The following SEMA6B variants were observed in gnomAD, a reference collection of about 807,000 sequenced individuals.
The protein encoded by SEMA6B is semaphorin-6B.
In SEMA6B, 47 loss-of-function variants were observed where a neutral mutation model predicts 78.6. The ratio of observed to expected loss-of-function variants is 0.60; its 90% CI spans 0.47 to 0.76. SEMA6B has a LOEUF of 0.76. Ranked by LOEUF, SEMA6B falls within the 30% of genes least tolerant of loss-of-function variation. SEMA6B has a pLI of 0.00. For synonymous variants in SEMA6B, 632 were observed against 592.2 expected (o/e 1.07, Z -0.98); for missense variants, 1,213 against 1,269.9 (o/e 0.96, Z 0.68).
At chr19:4,553,537 T>G (rs182396382) in intron 9 of SEMA6B, among the ~76,000 whole-genome samples, 2 of 145,650 alleles carry the variant, frequency 1.4e-5, no homozygotes, top group African/African-American at 2.6e-5. Context: ...GATAGATGGG[T>G]GGGTGCATAG....
chr19:4,543,942 C>G lies in SEMA6B; in HGVS notation c.2326G>C (p.Ala776Pro). 1 of 1,202,424 alleles carries G rather than the reference C, an allele frequency of 8.3e-7. No individual in the cohort carries two copies. Among genetic ancestry groups the G allele is most frequent in the Non-Finnish European group, 1.0e-6 (1 of 969,492 alleles). 74.5% of individuals were successfully genotyped at this position (1,202,424 alleles called of 1,614,324 possible). ...GEPTPDGRLY[A>P]ARPGRASHGD... is the part of the protein sequence containing the mutation. The stretch of plus-strand genomic sequence containing the variant: ...TGGGAGGCGCGGCCGGGCCGGGCAG[C>G]ATAGAGGCGGCCGTCGGGGGTCGGC... The change falls in exon 17 of 17, where the codon GCT becomes CCT. Residue 776 changes from alanine (A) to proline (P), a missense_variant. Transcript: ENST00000586582.
intron 10 of SEMA6B, among the ~76,000 whole-genome samples, chr19:4,551,778 G>A (rs934174402): frequency 6.6e-6 from 1 of 151,586 alleles, no homozygotes; most frequent in Admixed American, 6.6e-5. Flanking sequence ...GTGGTGAGCC[G>A]AGATCGCGCC....
chr19:4,555,849 GGGAGGA>G lies in SEMA6B; in HGVS notation c.471+133_471+138del, dbSNP rs1408227570. On this transcript the variant is annotated intron_variant, in intron 6 of 16. Coordinates refer to ENST00000586582, the MANE Select transcript of SEMA6B (RefSeq NM_032108.4). This position sits in a 1 kb window ranked among gnomAD's most constrained non-coding sequence, Gnocchi z 6.1. ...AGCGCTGACTCCTCTTGAGCTCAGGGGGAGGAGGCAGGGAGAGTATATCCAGGAAGG... is the reference window on the plus strand; with the variant it reads ...AGCGCTGACTCCTCTTGAGCTCAGGGGGCAGGGAGAGTATATCCAGGAAGG... The G allele has an allele frequency of 1.2e-5, 9 of 741,944 alleles. No individual in the cohort carries two copies. The South Asian group carries it at 1.4e-4, about 12-fold the overall frequency. 46.0% of individuals were successfully genotyped at this position (741,944 alleles called of 1,614,324 possible). A position where few individuals can be genotyped will look rare whatever the true frequency, so the allele number is the denominator to read the frequency against.
chr19:4,550,687 G>A lies in SEMA6B; in HGVS notation c.1121+112C>T. The A allele has an allele frequency of 7.5e-7, 1 of 1,330,396 alleles. No homozygotes were observed. Among genetic ancestry groups the A allele is most frequent in the Admixed American group, 2.1e-5 (1 of 47,858 alleles). 82.4% of individuals were successfully genotyped at this position (1,330,396 alleles called of 1,614,324 possible). On this transcript the variant is annotated intron_variant, in intron 11 of 16. Transcript: ENST00000586582. The surrounding 1 kb of genome is among the most constrained non-coding windows in gnomAD (Gnocchi z 6.6). ...CCTCAGTTTTTCCCAACTGTATAAC[G>A]GGTACAGCTGAACTCAGCATCAGCT... is the stretch of plus-strand genomic sequence containing the variant.
chr19:4,558,020 C>G lies in SEMA6B; in HGVS notation c.245+6G>C. 7.0e-7 allele frequency: 1 copy of G among 1,426,666 alleles called. No homozygotes were observed. Among genetic ancestry groups the G allele is most frequent in the East Asian group, 2.7e-5 (1 of 36,606 alleles). 88.4% of individuals were successfully genotyped at this position (1,426,666 alleles called of 1,614,324 possible). Reference sequence around the variant, plus strand: ...ACACAGGCCTCCTTGCTGTCCCCAGCAATACCTGTCCCCAATGAACAGCGT... The same window carrying G: ...ACACAGGCCTCCTTGCTGTCCCCAGGAATACCTGTCCCCAATGAACAGCGT... On this transcript the variant is annotated splice_donor_region_variant and intron_variant, in intron 3 of 16. Transcript: ENST00000586582. The surrounding 1 kb of genome is among the most constrained non-coding windows in gnomAD (Gnocchi z 5.1).
chr19:4,547,400 A>G (rs1267782524), intron 14 of SEMA6B, among the ~76,000 whole-genome samples: 1 of 152,226 alleles, frequency 6.6e-6, no homozygotes, highest in Non-Finnish European at 1.5e-5. Context: ...CAGAGCTGAG[A>G]TGGGAGCCCA....
chr19:4,549,522 A>G (rs974237266), intron 12 of SEMA6B, among the ~76,000 whole-genome samples: 57 of 151,152 alleles, frequency 3.8e-4, no homozygotes, highest in Non-Finnish European at 7.4e-4. Context: ...TCTTTCGCCC[A>G]GGCGGGACTG....
chr19:4,558,069 GGATGTT>G lies in SEMA6B; in HGVS notation c.196_201del (p.Asn66_Ile67del). On this transcript the variant is annotated inframe_deletion, in exon 3 of 17. Coordinates refer to ENST00000586582, the MANE Select transcript of SEMA6B (RefSeq NM_032108.4). The surrounding 1 kb of genome is among the most constrained non-coding windows in gnomAD (Gnocchi z 5.1). ...GTCCTGTTGACCCGCAGGACTCGCT[GGATGTT>G]GAGGTCGTCAGCACCTTCTGCGGGG... 1 of 1,524,684 alleles carries G rather than the reference GGATGTT, an allele frequency of 6.6e-7. No individual in the cohort carries two copies. The highest frequency in any genetic ancestry group is 8.9e-7 in the Non-Finnish European group (1 of 1,127,504). 94.4% of individuals were successfully genotyped at this position (1,524,684 alleles called of 1,614,324 possible).
At chr19:4,556,551 G>C (rs1031318220) in intron 5 of SEMA6B, among the ~76,000 whole-genome samples, 1 of 150,788 alleles carries the variant, frequency 6.6e-6, no homozygotes, top group East Asian at 2.0e-4. Flanking sequence ...GGACTGATAG[G>C]GGAGGGGTCG....
At chr19:4,546,305 G>A in intron 15 of SEMA6B, 31 bp from the exon 16 acceptor site, 1 of 1,611,410 alleles carries the variant, frequency 6.2e-7, no homozygotes, top group Non-Finnish European at 8.5e-7. Flanking sequence ...CGTCAGCAGA[G>A]GCCCCTCTCA....
In SEMA6B at chr19:4,546,271, G is replaced by A. The variant is rs1159720441; in HGVS notation, c.1683C>T (p.Ala561=). 5 of 1,613,374 alleles carry A rather than the reference G, an allele frequency of 3.1e-6. No individual in the cohort carries two copies. The highest frequency in any genetic ancestry group is 2.2e-5 in the East Asian group (1 of 44,880). Residue 561 remains alanine, a synonymous_variant, in exon 16 of 17, where the codon GCC becomes GCT. Coordinates refer to ENST00000586582, the MANE Select transcript of SEMA6B (RefSeq NM_032108.4). ...CCCCGGACACGTCCTGCTCAAAGGC[G>A]GCTCTAATGGGGAGAGGAGGCACCG... The part of the protein sequence containing the change: ...SCIFLSPGTR[A]AFEQDVSGAS...
chr19:4,543,791 G>A lies in SEMA6B; in HGVS notation c.2477C>T (p.Thr826Met), dbSNP rs1478740739. The A allele has an allele frequency of 4.1e-6, 5 of 1,220,588 alleles. No homozygotes were observed. Among genetic ancestry groups the A allele is most frequent in the Admixed American group, 4.3e-5 (1 of 23,244 alleles). 75.6% of individuals were successfully genotyped at this position (1,220,588 alleles called of 1,614,324 possible). A position where few individuals can be genotyped will look rare whatever the true frequency, so the allele number is the denominator to read the frequency against. The change falls in exon 17 of 17, where the codon ACG becomes ATG. Residue 826 changes from threonine to methionine, a missense_variant. Physicochemically the swap from Thr to Met is moderately conservative, Grantham distance 81. Coordinates refer to ENST00000586582, the MANE Select transcript of SEMA6B (RefSeq NM_032108.4). ...GCCCAGTGGCCTCCTCAGGCTGCCC[G>A]TCGGGGGCGGGCTCCAGGGCCGCGG... ...GLPRPWSPPP[T>M]GSLRRPLGPH...
In SEMA6B at chr19:4,558,011, T is replaced by C; in HGVS notation, c.245+15A>G. 2 of 1,389,210 alleles carry C rather than the reference T, an allele frequency of 1.4e-6. No individual in the cohort carries two copies. Among genetic ancestry groups the C allele is most frequent in the Non-Finnish European group, 1.9e-6 (2 of 1,055,158 alleles). The allele number at this position is 1,389,210 out of a possible 1,614,324, so 86.1% of individuals were successfully genotyped here. On this transcript the variant is annotated intron_variant, in intron 3 of 16. Coordinates refer to ENST00000586582, the MANE Select transcript of SEMA6B (RefSeq NM_032108.4). This position sits in a 1 kb window ranked among gnomAD's most constrained non-coding sequence, Gnocchi z 5.1. The stretch of plus-strand genomic sequence containing the variant: ...CTGCTCGTCACACAGGCCTCCTTGC[T>C]GTCCCCAGCAATACCTGTCCCCAAT...
Position 4,544,567 on chromosome 19 carries a change from G to T in SEMA6B, c.1739-38C>A, listed in dbSNP as rs747645668. 2.9e-5 allele frequency: 39 copies of T among 1,343,178 alleles called. No individual in the cohort carries two copies. The East Asian group carries it at 1.1e-3, about 36-fold the overall frequency. The allele number at this position is 1,343,178 out of a possible 1,614,324, so 83.2% of individuals were successfully genotyped here. A position where few individuals can be genotyped will look rare whatever the true frequency, so the allele number is the denominator to read the frequency against. On this transcript the variant is annotated intron_variant, in intron 16 of 16. Transcript: ENST00000586582. The surrounding 1 kb of genome is among the most constrained non-coding windows in gnomAD (Gnocchi z 5.1). ...CACAGGGGGGTTAGTGGGGCCGGCG[G>T]GGTGGCCCTGGGCATCCCTCCTACC...
chr19:4,555,079 T>C lies in SEMA6B; in HGVS notation c.579A>G (p.Thr193=), dbSNP rs1284939302. 3 of 1,613,746 alleles carry C rather than the reference T, an allele frequency of 1.9e-6. No homozygotes were observed. Among genetic ancestry groups the C allele is most frequent in the Non-Finnish European group, 2.5e-6 (3 of 1,179,960 alleles). The part of the protein sequence containing the change: ...VALFSDGMLF[T]ATVTDFLAID... ...TGGCTAGGAAGTCGGTAACAGTAGC[T>C]GTGAAGAGCATCCCGTCTGGATGGG... is the stretch of plus-strand genomic sequence containing the variant. Residue 193 remains threonine, a synonymous_variant, in exon 8 of 17, where the codon ACA becomes ACG. Coordinates refer to ENST00000586582, the MANE Select transcript of SEMA6B (RefSeq NM_032108.4). The surrounding 1 kb of genome is among the most constrained non-coding windows in gnomAD (Gnocchi z 6.1).
Position 4,543,076 on chromosome 19 carries a change from G to A in SEMA6B, c.*525C>T, listed in dbSNP as rs1977061218. ...ACACACGCCCACAGCAGCCTTCGCTGGCACGCACACACACGCCCACCTCCC... is the reference window on the plus strand; with the variant it reads ...ACACACGCCCACAGCAGCCTTCGCTAGCACGCACACACACGCCCACCTCCC... On this transcript the variant is annotated 3_prime_UTR_variant, in exon 17 of 17. Coordinates refer to ENST00000586582, the MANE Select transcript of SEMA6B (RefSeq NM_032108.4). 1 of 642,314 alleles carries A rather than the reference G, an allele frequency of 1.6e-6. No homozygotes were observed. Among genetic ancestry groups the A allele is most frequent in the Non-Finnish European group, 2.8e-6 (1 of 353,218 alleles). The allele number at this position is 642,314 out of a possible 1,614,324, so 39.8% of individuals were successfully genotyped here. A position where few individuals can be genotyped will look rare whatever the true frequency, so the allele number is the denominator to read the frequency against.
rs1977301375 is a variant in SEMA6B at position 4,550,560 on chromosome 19, C to T, written c.1121+239G>A. ...TGTATTTTTAGTAGAGACAGGGTTT[C>T]GCCATGTTGGTCGGGCTGGTCTCAA... On this transcript the variant is annotated intron_variant, in intron 11 of 16. Transcript: ENST00000586582. This position sits in a 1 kb window ranked among gnomAD's most constrained non-coding sequence, Gnocchi z 6.6. Among the ~76,000 whole-genome samples, 1 of 152,054 alleles carries T rather than the reference C, an allele frequency of 6.6e-6. No homozygotes were observed. Among genetic ancestry groups the T allele is most frequent in the Non-Finnish European group, 1.5e-5 (1 of 68,010 alleles).
At position 4,543,926 on chromosome 19, in the gene SEMA6B, C is replaced by T; in HGVS notation, c.2342G>A (p.Arg781His). Residue 781 changes from arginine (R) to histidine (H), a missense_variant, in exon 17 of 17, where the codon CGC becomes CAC. Physicochemically the swap from Arg to His is conservative, Grantham distance 29. Transcript: ENST00000586582. ...DGRLYAARPG[R>H]ASHGDFPLTP... ...GAGCGGGAAGTCGCCGTGGGAGGCG[C>T]GGCCGGGCCGGGCAGCATAGAGGCG... 8.3e-7 allele frequency: 1 copy of T among 1,200,808 alleles called. No homozygotes were observed. The highest frequency in any genetic ancestry group is 1.0e-6 in the Non-Finnish European group (1 of 968,516). The allele number at this position is 1,200,808 out of a possible 1,614,324, so 74.4% of individuals were successfully genotyped here.
chr19:4,543,903 G>C lies in SEMA6B; in HGVS notation c.2365C>G (p.Leu789Val). 1 of 1,203,414 alleles carries C rather than the reference G, an allele frequency of 8.3e-7. No homozygotes were observed. The highest frequency in any genetic ancestry group is 1.0e-6 in the Non-Finnish European group (1 of 970,076). 74.5% of individuals were successfully genotyped at this position (1,203,414 alleles called of 1,614,324 possible). Residue 789 changes from leucine to valine, a missense_variant, in exon 17 of 17, where the codon CTC becomes GTC. By Grantham distance (32) the Leu-to-Val change is conservative. Coordinates refer to ENST00000586582, the MANE Select transcript of SEMA6B (RefSeq NM_032108.4). ...PGRASHGDFP[L>V]TPHASPDRRR... Reference sequence around the variant, plus strand: ...CGGTCCGGGCTGGCGTGGGGGGTGAGCGGGAAGTCGCCGTGGGAGGCGCGG... The same window carrying C: ...CGGTCCGGGCTGGCGTGGGGGGTGACCGGGAAGTCGCCGTGGGAGGCGCGG...
Sources: gnomAD v4.1 joint callset for allele counts (sites outside exome capture counted in the v4.1 genomes callset) on GRCh38, gnomAD v4.1.1 for gene constraint, Gnocchi (gnomAD v3.1) non-coding constraint, MANE v1.5 for transcripts, NCBI Gene and HGNC (gene_info 2026-07-23, HGNC 2026-07-21) for gene names.